Variants in WTIP observed in about 807,000 individuals in gnomAD.
WTIP encodes Wilms tumor protein 1-interacting protein.
In WTIP, 23 loss-of-function variants were observed where a neutral mutation model predicts 41.7. The observed-to-expected ratio is 0.55, with a 90% CI of 0.40 to 0.78. The LOEUF is 0.78. Ranked by LOEUF, WTIP falls within the 30% of genes least tolerant of loss-of-function variation. The pLI is 0.00. For missense variants in WTIP, 619 were observed against 610.5 expected, an observed-to-expected ratio of 1.01 and a Z score of -0.15; for synonymous variants, 314 against 269.9, an observed-to-expected ratio of 1.16 and a Z score of -1.60.
At chr19:34,497,233 C>T (rs562605941) in intron 7 of WTIP, among the ~76,000 whole-genome samples, 2 of 152,184 alleles carry the variant, frequency 1.3e-5, no homozygotes, top group African/African-American at 4.8e-5. Flanking sequence ...TCAAGGAGAC[C>T]ACGGGGCTCC....
rs2075907502 is a variant in WTIP, at chr19:34,505,512, T to C, written c.*5243T>C. ...CGCTTTGTAGGGAGGTGCTCAGCAGTGATGGTTGTGTGCCTGTCACACCCA... is the reference window on the plus strand; with the variant it reads ...CGCTTTGTAGGGAGGTGCTCAGCAGCGATGGTTGTGTGCCTGTCACACCCA... On this transcript the variant is annotated 3_prime_UTR_variant, in exon 8 of 8. Transcript: ENST00000590071. 1 of 152,494 alleles carries C rather than the reference T, an allele frequency of 6.6e-6. No homozygotes were observed. Among genetic ancestry groups the C allele is most frequent in the African/African-American group, 2.4e-5 (1 of 41,430 alleles). The allele number at this position is 152,494 out of a possible 1,614,324, so 9.4% of individuals were successfully genotyped here.
At chr19:34,486,052 G>A (rs1014653332) in intron 1 of WTIP, among the ~76,000 whole-genome samples, 10 of 152,038 alleles carry the variant, frequency 6.6e-5, no homozygotes, top group African/African-American at 2.4e-4. Context: ...ACAGCCTTGG[G>A]CTTCCGGAAC....
rs34578586 is a variant in WTIP, at chr19:34,507,427, CAAAAAA to C, written c.*7172_*7177del. On this transcript the variant is annotated 3_prime_UTR_variant, in exon 8 of 8. Coordinates refer to ENST00000590071, the MANE Select transcript of WTIP (RefSeq NM_001080436.2). ...GATGCCCAAAAGAACAAACATAAAC[CAAAAAA>C]AAAAAAAAAAAAATTCCAGACTGTC... 9.9e-5 allele frequency: 12 copies of C among 120,960 alleles called. 1 individual carries two copies. Among genetic ancestry groups the C allele is most frequent in the African/African-American group, 3.0e-4 (10 of 33,536 alleles). 7.5% of individuals were successfully genotyped at this position (120,960 alleles called of 1,614,324 possible). A position where few individuals can be genotyped will look rare whatever the true frequency, so the allele number is the denominator to read the frequency against.
rs1352877347 is a variant in WTIP at position 34,510,451 on chromosome 19, G to A, written c.*10182G>A. Reference sequence around the variant, plus strand: ...AAGTCCTAGGCTGCACACAACATGGGGACTTTGGGTCCAGCCCACAAAACC... The same window carrying A: ...AAGTCCTAGGCTGCACACAACATGGAGACTTTGGGTCCAGCCCACAAAACC... On this transcript the variant is annotated 3_prime_UTR_variant, in exon 8 of 8. Coordinates refer to ENST00000590071, the MANE Select transcript of WTIP (RefSeq NM_001080436.2). The A allele has an allele frequency of 6.6e-6, 1 of 152,184 alleles. No homozygotes were observed. Among genetic ancestry groups the A allele is most frequent in the East Asian group, 1.9e-4 (1 of 5,202 alleles). The allele number at this position is 152,184 out of a possible 1,614,324, so 9.4% of individuals were successfully genotyped here. A position where few individuals can be genotyped will look rare whatever the true frequency, so the allele number is the denominator to read the frequency against.
In WTIP at chr19:34,493,317, A is replaced by G; in HGVS notation, c.892A>G (p.Met298Val). 5 of 1,612,908 alleles carry G rather than the reference A, an allele frequency of 3.1e-6. No individual in the cohort carries two copies. Among genetic ancestry groups the G allele is most frequent in the African/African-American group, 1.3e-5 (1 of 74,978 alleles). The change falls in exon 4 of 8, where the codon ATG becomes GTG. Residue 298 changes from methionine (M) to valine (V), a missense_variant. Transcript: ENST00000590071. The surrounding 1 kb of genome is among the most constrained non-coding windows in gnomAD (Gnocchi z 4.1). ...ATGCAGCGTGTGTGGACATCTCATC[A>G]TGGAAATGGTGAGCCCCTGCCCCAG... ...DKCSVCGHLI[M>V]EMILQALGKS... is the part of the protein sequence containing the mutation.
intron 7 of WTIP, among the ~76,000 whole-genome samples, chr19:34,496,925 C>A (rs1294889011): frequency 6.6e-6 from 1 of 152,110 alleles, no homozygotes; most frequent in Admixed American, 6.5e-5. Flanking sequence ...TGCAGTGGCA[C>A]TATCTCAGCT....
Position 34,493,477 on chromosome 19 carries a change from G to A in WTIP, c.901-15G>A, listed in dbSNP as rs748061872. 6.2e-7 allele frequency: 1 copy of A among 1,613,086 alleles called. No individual in the cohort carries two copies. The highest frequency in any genetic ancestry group is 1.1e-5 in the South Asian group (1 of 91,016). ...CTCCTGCCCGCGCTGACCCCTCAGTGTGCCCCGCCCACAGATCCTGCAGGC... is the reference window on the plus strand; with the variant it reads ...CTCCTGCCCGCGCTGACCCCTCAGTATGCCCCGCCCACAGATCCTGCAGGC... On this transcript the variant is annotated splice_polypyrimidine_tract_variant and intron_variant, in intron 4 of 7. Coordinates refer to ENST00000590071, the MANE Select transcript of WTIP (RefSeq NM_001080436.2). The surrounding 1 kb of genome is among the most constrained non-coding windows in gnomAD (Gnocchi z 4.1).
At chr19:34,483,618 T>C (rs1386462627) in intron 1 of WTIP, among the ~76,000 whole-genome samples, 1 of 152,210 alleles carries the variant, frequency 6.6e-6, no homozygotes, top group Non-Finnish European at 1.5e-5. Flanking sequence ...ATAGGATGTT[T>C]CCTAAAGGAA....
At position 34,490,392 on chromosome 19, in the gene WTIP, T is replaced by C; in HGVS notation, c.684T>C (p.Cys228=). 1 of 1,614,048 alleles carries C rather than the reference T, an allele frequency of 6.2e-7. No homozygotes were observed. The highest frequency in any genetic ancestry group is 8.5e-7 in the Non-Finnish European group (1 of 1,179,896). Residue 228 remains cysteine (C), a synonymous_variant, in exon 2 of 8, where the codon TGT becomes TGC. Transcript: ENST00000590071. ...CTCTCCTAGGCATTTGCATCAAGTGTGGGCTTGGCATCTACGGAGCCCAGC... is the reference window on the plus strand; with the variant it reads ...CTCTCCTAGGCATTTGCATCAAGTGCGGGCTTGGCATCTACGGAGCCCAGC... ...ARDYFGICIK[C]GLGIYGAQQA...
At chr19:34,492,306 G>A (rs894118646) in intron 2 of WTIP, among the ~76,000 whole-genome samples, 2 of 149,100 alleles carry the variant, frequency 1.3e-5, no homozygotes, top group Non-Finnish European at 3.0e-5. Flanking sequence ...CTAGAGACAG[G>A]GTCTTGCTAT....
chr19:34,500,108 G>C, intron 7 of WTIP, 21 bp from the exon 8 acceptor site: 9 of 1,597,248 alleles, frequency 5.6e-6, no homozygotes, highest in Non-Finnish European at 7.6e-6. Flanking sequence ...CTCTGGGGCT[G>C]GGGGCTGTGT....
In WTIP at chr19:34,500,133, G is replaced by A; in HGVS notation, c.1157G>A (p.Cys386Tyr). The A allele has an allele frequency of 1.3e-6, 2 of 1,599,792 alleles. No individual in the cohort carries two copies. Among genetic ancestry groups the A allele is most frequent in the Non-Finnish European group, 1.7e-6 (2 of 1,179,718 alleles). Residue 386 changes from cysteine to tyrosine, a missense_variant, in exon 8 of 8, where the codon TGC (cysteine) becomes TAC (tyrosine). By Grantham distance (194) the Cys-to-Tyr change is radical. Around this residue, in one of 3 missense-constraint regions of WTIP, gnomAD observed 92 missense variants for 82.4 expected, o/e 1.12. Coordinates refer to ENST00000590071, the MANE Select transcript of WTIP (RefSeq NM_001080436.2). The stretch of plus-strand genomic sequence containing the variant: ...GGGGGCTGTGTTCTTCCCTAGGACT[G>A]CGGGCTGCAGCTGAGCGGGGAGGAG... ...YHVACYHCED[C>Y]GLQLSGEEGR...
chr19:34,488,651 G>A (rs2075809876), intron 1 of WTIP, among the ~76,000 whole-genome samples: 1 of 151,648 alleles, frequency 6.6e-6, no homozygotes, highest in South Asian at 2.1e-4. Context: ...ACAGGCATGA[G>A]CCACTGCACC....
At position 34,492,822 on chromosome 19, in the gene WTIP, C is replaced by T. The variant is rs1313210807; in HGVS notation, c.770-215C>T. Among the ~76,000 whole-genome samples, 4 of 151,942 alleles carry T rather than the reference C, an allele frequency of 2.6e-5. No individual in the cohort carries two copies. The South Asian group carries it at 8.3e-4, about 32-fold the overall frequency. On this transcript the variant is annotated intron_variant, in intron 2 of 7. Transcript: ENST00000590071. ...TTTATTCATATATTTGTTTTGGCAA[C>T]CTTTTTAAATAACTCTGTCGACAAT...
Position 34,493,964 on chromosome 19 carries a change from T to C in WTIP, c.1031+342T>C, listed in dbSNP as rs1273010227. On this transcript the variant is annotated intron_variant, in intron 5 of 7. Coordinates refer to ENST00000590071, the MANE Select transcript of WTIP (RefSeq NM_001080436.2). This position sits in a 1 kb window ranked among gnomAD's most constrained non-coding sequence, Gnocchi z 4.1. The stretch of plus-strand genomic sequence containing the variant: ...GGCCTCTTTCAGCTGGGGCAGGGGC[T>C]TGGGATCTCTGCAGCCCCCTTCTCC... Among the ~76,000 whole-genome samples the C allele has an allele frequency of 6.6e-6, 1 of 152,154 alleles. No homozygotes were observed. Among genetic ancestry groups the C allele is most frequent in the Admixed American group, 6.5e-5 (1 of 15,278 alleles).
intron 7 of WTIP, 66 bp from the exon 8 acceptor site, chr19:34,500,063 C>T (rs889614272): frequency 5.1e-6 from 8 of 1,566,566 alleles, no homozygotes; most frequent in South Asian, 1.2e-5. Flanking sequence ...GTCCCTCCCC[C>T]GTCCCGTGAC....
At chr19:34,483,753 G>GTA (rs1420647138) in intron 1 of WTIP, among the ~76,000 whole-genome samples, 2 of 152,076 alleles carry the variant, frequency 1.3e-5, no homozygotes, top group East Asian at 3.9e-4. Flanking sequence ...CGGGGCAGAG[G>GTA]TATACTGTGG....
Position 34,502,126 on chromosome 19 carries a change from G to C in WTIP, c.*1857G>C, listed in dbSNP as rs1273099018. Reference sequence around the variant, plus strand: ...CACGCCACCACGCCCGGCTAATTTTGTATTTTTAGTAGAGATGGGGTTTCA... The same window carrying C: ...CACGCCACCACGCCCGGCTAATTTTCTATTTTTAGTAGAGATGGGGTTTCA... On this transcript the variant is annotated 3_prime_UTR_variant, in exon 8 of 8. Coordinates refer to ENST00000590071, the MANE Select transcript of WTIP (RefSeq NM_001080436.2). 6.6e-6 allele frequency: 1 copy of C among 151,890 alleles called. No homozygotes were observed. Among genetic ancestry groups the C allele is most frequent in the Non-Finnish European group, 1.5e-5 (1 of 68,132 alleles). 9.4% of individuals were successfully genotyped at this position (151,890 alleles called of 1,614,324 possible).
intron 2 of WTIP, among the ~76,000 whole-genome samples, chr19:34,492,414 T>G (rs560150289): frequency 1.4e-5 from 2 of 145,960 alleles, no homozygotes; most frequent in Non-Finnish European, 3.0e-5. Context: ...CACTTGAGCT[T>G]GGGAGGTTGA....
Sources: gnomAD v4.1 joint callset for allele counts (sites outside exome capture counted in the v4.1 genomes callset) on GRCh38, gnomAD v4.1.1 for gene constraint, gnomAD v4.1.1 regional missense constraint, Gnocchi (gnomAD v3.1) non-coding constraint, MANE v1.5 for transcripts, NCBI Gene and HGNC (gene_info 2026-07-23, HGNC 2026-07-21) for gene names.